Variants in MITF observed in about 807,000 individuals in gnomAD.
MITF encodes the protein melanocyte inducing transcription factor, also known as microphthalmia-associated transcription factor.
MITF carries 17 observed loss-of-function variants against 60.5 expected under a neutral mutation model. That is an observed-to-expected ratio of 0.28 (90% CI 0.19 to 0.42). The LOEUF (loss-of-function observed/expected upper bound fraction) is 0.42, where lower values mean the gene tolerates loss of function less well. Among genes scored for constraint, MITF ranks in the 10% least tolerant of loss-of-function variants. The pLI is 1.00. For missense variants in MITF, 622 were observed against 683.5 expected (o/e 0.91, Z 1.00); for synonymous variants, 260 against 248.5 (o/e 1.05, Z -0.43).
At chr3:69,763,789 G>GT (rs2062246380) in intron 1 of MITF, 1 of 1,363,828 alleles carries the variant, frequency 7.3e-7, no homozygotes, top group Non-Finnish European at 9.7e-7. Context: ...AAAGCTAATG[G>GT]TTGGCATTAA....
intron 1 of MITF, among the ~76,000 whole-genome samples, chr3:69,773,334 G>T (rs2062422207): frequency 6.6e-6 from 1 of 152,138 alleles, no homozygotes; most frequent in East Asian, 1.9e-4. Context: ...CAAAGACTTT[G>T]CCTTTTACTC....
intron 5 of MITF, among the ~76,000 whole-genome samples, chr3:69,943,199 G>C (rs893821490): frequency 6.6e-6 from 1 of 151,284 alleles, no homozygotes; most frequent in Non-Finnish European, 1.5e-5. Context: ...ACTACACCTG[G>C]CCTGACCTTC....
rs76226647 is a variant in MITF at position 69,918,048 on chromosome 3, A to G, written c.355-19774A>G. On this transcript the variant is annotated intron_variant, in intron 2 of 9. Transcript: ENST00000352241. ...CTCTAAATTTTCTCCAGTCATGTACATTATGGGTTTTGGGGTTTTGTTTTT... is the reference window on the plus strand; with the variant it reads ...CTCTAAATTTTCTCCAGTCATGTACGTTATGGGTTTTGGGGTTTTGTTTTT... Among the ~76,000 whole-genome samples the G allele has an allele frequency of 1.6e-4, 24 of 152,022 alleles. No individual in the cohort carries two copies. The East Asian group carries it at 4.5e-3, about 28-fold the overall frequency.
At chr3:69,900,663 G>A (rs1283185982) in intron 2 of MITF, among the ~76,000 whole-genome samples, 1 of 152,156 alleles carries the variant, frequency 6.6e-6, no homozygotes, top group Non-Finnish European at 1.5e-5. Flanking sequence ...AAAGCAGCAT[G>A]GGTAAATATA....
At chr3:69,957,210 C>A (rs1463199615) in intron 8 of MITF, among the ~76,000 whole-genome samples, 1 of 152,116 alleles carries the variant, frequency 6.6e-6, no homozygotes, top group Non-Finnish European at 1.5e-5. Context: ...GCAGATAGGA[C>A]AACAAACACA....
chr3:69,943,395 A>C (rs939814888), intron 5 of MITF, among the ~76,000 whole-genome samples: 4 of 152,012 alleles, frequency 2.6e-5, no homozygotes, highest in Admixed American at 2.6e-4. Flanking sequence ...CTTGCATGTT[A>C]TTTAGCTTCC....
intron 1 of MITF, among the ~76,000 whole-genome samples, chr3:69,763,039 A>C (rs1004588150): frequency 6.6e-6 from 1 of 152,190 alleles, no homozygotes; most frequent in African/African-American, 2.4e-5. Flanking sequence ...AACAAAGGAA[A>C]AGGCTTTGAT....
intron 1 of MITF, among the ~76,000 whole-genome samples, chr3:69,852,282 A>G (rs2063837928): frequency 1.3e-5 from 2 of 152,194 alleles, no homozygotes; most frequent in Non-Finnish European, 2.9e-5. Flanking sequence ...CTAGCACCCA[A>G]TCTCTAAGAT....
intron 9 of MITF, among the ~76,000 whole-genome samples, chr3:69,961,390 A>C (rs967331708): frequency 3.3e-5 from 5 of 149,556 alleles, no homozygotes; most frequent in African/African-American, 7.4e-5. Flanking sequence ...TCAAAAAAAA[A>C]CAAAAAAATA....
intron 1 of MITF, among the ~76,000 whole-genome samples, chr3:69,792,014 T>C (rs1434062197): frequency 6.6e-6 from 1 of 152,236 alleles, no homozygotes; most frequent in East Asian, 1.9e-4. Flanking sequence ...GAGTTGCTCC[T>C]TGAAGTAGAG....
At chr3:69,941,660 A>G (rs1319554223) in intron 5 of MITF, among the ~76,000 whole-genome samples, 1 of 152,156 alleles carries the variant, frequency 6.6e-6, no homozygotes, top group Non-Finnish European at 1.5e-5. Context: ...GAACTGCACT[A>G]TTCACAGTGG....
rs2106737562 is a variant in MITF at position 69,741,043 on chromosome 3, G to C, written c.104+1342G>C. On this transcript the variant is annotated intron_variant, in intron 1 of 9. Transcript: ENST00000352241. Reference sequence around the variant, plus strand: ...AAAATCTGGGAACAGCGGTCCTACTGACTGCCATTGCTGAAGACTCTTTGT... The same window carrying C: ...AAAATCTGGGAACAGCGGTCCTACTCACTGCCATTGCTGAAGACTCTTTGT... Among the ~76,000 whole-genome samples, 3 of 152,350 alleles carry C rather than the reference G, an allele frequency of 2.0e-5. No homozygotes were observed. In the East Asian group the frequency reaches 5.8e-4, roughly 29 times the overall value.
intron 5 of MITF, among the ~76,000 whole-genome samples, chr3:69,944,076 A>G (rs562955263): frequency 4.6e-5 from 7 of 152,182 alleles, no homozygotes; most frequent in African/African-American, 7.2e-5. Context: ...CCTGGGCAAC[A>G]GAGCAAGACC....
chr3:69,748,465 C>A (rs887460954), intron 1 of MITF, among the ~76,000 whole-genome samples: 10 of 152,026 alleles, frequency 6.6e-5, no homozygotes, highest in African/African-American at 2.2e-4. Flanking sequence ...GGTCTCGAAC[C>A]CTTGACCTCA....
intron 1 of MITF, among the ~76,000 whole-genome samples, chr3:69,808,854 G>A (rs1382696671): frequency 6.6e-6 from 1 of 152,146 alleles, no homozygotes; most frequent in Non-Finnish European, 1.5e-5. Context: ...ATGATCAGAT[G>A]TGCTTTGGGA....
At chr3:69,758,087 T>G (rs965932483) in intron 1 of MITF, among the ~76,000 whole-genome samples, 1 of 142,180 alleles carries the variant, frequency 7.0e-6, no homozygotes, top group East Asian at 2.1e-4. Flanking sequence ...AGTATATATA[T>G]AAATATATAT....
chr3:69,766,020 A>G (rs2062285928), intron 1 of MITF, among the ~76,000 whole-genome samples: 1 of 152,218 alleles, frequency 6.6e-6, no homozygotes, highest in Admixed American at 6.5e-5. Context: ...TGTTTGGGCT[A>G]TGAGTTATCT....
intron 1 of MITF, among the ~76,000 whole-genome samples, chr3:69,871,088 G>A (rs993451341): frequency 3.9e-5 from 6 of 152,150 alleles, no homozygotes; most frequent in Non-Finnish European, 8.8e-5. Context: ...GGTGCTCAAT[G>A]TCATATAAAC....
At position 69,879,304 on chromosome 3, in the gene MITF, T is replaced by C; in HGVS notation, c.275T>C (p.Val92Ala). ...AAQFMQQRVP[V>A]SQTPAINVSV... ...CAGTTCATGCAACAGAGAGTGCCCG[T>C]GAGTCAGACACCAGCCATAAACGTC... Residue 92 changes from valine (V) to alanine (A), a missense_variant, in exon 2 of 10, where the codon GTG (valine) becomes GCG (alanine). Physicochemically the swap from Val to Ala is moderately conservative, Grantham distance 64 (BLOSUM62 0). Transcript: ENST00000352241. 6.2e-7 allele frequency: 1 copy of C among 1,614,194 alleles called. No homozygotes were observed. Among genetic ancestry groups the C allele is most frequent in the Non-Finnish European group, 8.5e-7 (1 of 1,180,044 alleles).
Sources: gnomAD v4.1 joint callset for allele counts (sites outside exome capture counted in the v4.1 genomes callset) on GRCh38, gnomAD v4.1.1 for gene constraint, MANE v1.5 for transcripts, NCBI Gene and HGNC (gene_info 2026-07-23, HGNC 2026-07-21) for gene names.